Variants in LMBR1 observed in about 807,000 individuals in gnomAD.
LMBR1 encodes limb region 1 protein homolog.
LMBR1 carries 52 observed loss-of-function variants against 73.9 expected under a neutral mutation model. That is an observed-to-expected ratio of 0.70 (90% CI 0.56 to 0.89). The LOEUF (loss-of-function observed/expected upper bound fraction) is 0.89. Among genes scored for constraint, LMBR1 ranks in the 40% least tolerant of loss-of-function variants. The probability of loss-of-function intolerance (pLI) is 0.00; values close to 1 mark genes in which losing one functional copy is unlikely to be tolerated. For synonymous variants in LMBR1, 215 were observed against 209.4 expected, an observed-to-expected ratio of 1.03 and a Z score of -0.23; for missense variants, 539 against 579.8, an observed-to-expected ratio of 0.93 and a Z score of 0.72.
At chr7:156,719,429 C>T (rs9692343) in intron 15 of LMBR1, among the ~76,000 whole-genome samples, 6,045 of 151,892 alleles carry the variant, frequency 0.04, 156 homozygotes, top group Non-Finnish European at 0.045. Flanking sequence ...GTGAATAGTG[C>T]CGCAATAAAC....
At chr7:156,675,537 T>C (rs1803696446), downstream of LMBR1, among the ~76,000 whole-genome samples, 1 of 152,220 alleles carries the variant, frequency 6.6e-6, no homozygotes, top group South Asian at 2.1e-4. Context: ...TCTGGATTTA[T>C]AGTTAAGTAA....
At chr7:156,760,334 T>C (rs184719516) in intron 8 of LMBR1, among the ~76,000 whole-genome samples, 2 of 152,204 alleles carry the variant, frequency 1.3e-5, no homozygotes, top group African/African-American at 4.8e-5. Flanking sequence ...TCGTTTTATA[T>C]ACGTTGAGTT....
chr7:156,779,528 A>T, intron 5 of LMBR1: 1 of 255,638 alleles, frequency 3.9e-6, no homozygotes, highest in Non-Finnish European at 7.8e-6. Context: ...TTTTAGATTT[A>T]AATGGGAACT....
At chr7:156,721,336 T>A (rs1166988715) in intron 15 of LMBR1, among the ~76,000 whole-genome samples, 1 of 146,508 alleles carries the variant, frequency 6.8e-6, no homozygotes, top group African/African-American at 2.4e-5. Context: ...AACGTCTTAA[T>A]TGTTTCATGA....
At chr7:156,779,580 G>T in intron 5 of LMBR1, 3 of 678,654 alleles carry the variant, frequency 4.4e-6, no homozygotes, top group Non-Finnish European at 6.5e-6. Flanking sequence ...TGATATAATT[G>T]CTTCTTGGAA....
chr7:156,729,418 G>GATATATATATAT (rs10676443), intron 10 of LMBR1, among the ~76,000 whole-genome samples: 31 of 146,970 alleles, frequency 2.1e-4, no homozygotes, highest in African/African-American at 7.0e-4. Flanking sequence ...TCTACATATT[G>GATATATATATAT]ATATATATAT....
At chr7:156,768,551 G>A (rs1345716387) in intron 5 of LMBR1, among the ~76,000 whole-genome samples, 1 of 152,168 alleles carries the variant, frequency 6.6e-6, no homozygotes, top group Non-Finnish European at 1.5e-5. Context: ...CCAAAGGTCA[G>A]AGAGCCCAGC....
At chr7:156,815,156 C>CAAAAAAAAAAAAAAAAAAAAAA (rs10674367) in intron 4 of LMBR1, among the ~76,000 whole-genome samples, 1 of 84,330 alleles carries the variant, frequency 1.2e-5, no homozygotes, top group African/African-American at 4.8e-5. Context: ...AACTCCGTCT[C>CAAAAAAAAAAAAAAAAAAAAAA]AAAAAAAAAA....
At chr7:156,697,886 T>C (rs1808673329) in intron 15 of LMBR1, among the ~76,000 whole-genome samples, 1 of 152,222 alleles carries the variant, frequency 6.6e-6, no homozygotes, top group African/African-American at 2.4e-5. Context: ...AAGACAGGCA[T>C]AAAAAATTAT....
rs182736380 is a variant in LMBR1 at position 156,683,162 on chromosome 7, G to A, written c.*916C>T. The A allele has an allele frequency of 1.3e-5, 2 of 152,178 alleles. No individual in the cohort carries two copies. Among genetic ancestry groups the A allele is most frequent in the Non-Finnish European group, 2.9e-5 (2 of 68,030 alleles). The allele number at this position is 152,178 out of a possible 1,614,324, so 9.4% of individuals were successfully genotyped here. On this transcript the variant is annotated 3_prime_UTR_variant, in exon 17 of 17. Coordinates refer to ENST00000353442, the MANE Select transcript of LMBR1 (RefSeq NM_022458.4). ...AAAGCCTGAGGACTATGAAGAAAGA[G>A]GAGTTTCTACCACTCGGCATTTATA...
intron 3 of LMBR1, among the ~76,000 whole-genome samples, chr7:156,828,222 C>G (rs1292079715): frequency 2.6e-5 from 4 of 152,156 alleles, no homozygotes; most frequent in African/African-American, 9.7e-5. Flanking sequence ...CTTACCTAAC[C>G]CCCTCATAGC....
At chr7:156,797,184 G>A (rs913787048) in intron 4 of LMBR1, among the ~76,000 whole-genome samples, 2 of 152,162 alleles carry the variant, frequency 1.3e-5, no homozygotes, top group Non-Finnish European at 2.9e-5. Context: ...CACAGAGACT[G>A]GCAATCTTAA....
chr7:156,814,525 A>C (rs564929516), intron 4 of LMBR1, among the ~76,000 whole-genome samples: 63 of 152,358 alleles, frequency 4.1e-4, no homozygotes, highest in Non-Finnish European at 7.9e-4. Flanking sequence ...GTTTTTAAAA[A>C]TCTAATTTCA....
At chr7:156,888,123 CAT>C (rs927314941) in intron 1 of LMBR1, among the ~76,000 whole-genome samples, 39 of 152,108 alleles carry the variant, frequency 2.6e-4, no homozygotes, top group African/African-American at 9.2e-4. Context: ...AAAAATTAAA[CAT>C]AGAGGCCGGG....
At chr7:156,857,250 T>A (rs535450128) in intron 1 of LMBR1, among the ~76,000 whole-genome samples, 1 of 152,290 alleles carries the variant, frequency 6.6e-6, no homozygotes, top group South Asian at 2.1e-4. Flanking sequence ...ATGTTGTCTA[T>A]AAAAAAGTAT....
chr7:156,751,724 G>A (rs537520629), intron 9 of LMBR1, among the ~76,000 whole-genome samples: 100 of 152,314 alleles, frequency 6.6e-4, no homozygotes, highest in Non-Finnish European at 1.3e-3. Context: ...GGAATTAAGA[G>A]AAAGAGACTC....
At chr7:156,836,711 T>C (rs572724918) in intron 2 of LMBR1, 102 bp downstream of exon 2, 11 of 689,348 alleles carry the variant, frequency 1.6e-5, no homozygotes, top group Non-Finnish European at 2.5e-5. Context: ...CACCGGCATA[T>C]TCAATACACT....
chr7:156,744,265 G>C (rs1403069833), intron 9 of LMBR1, among the ~76,000 whole-genome samples: 4 of 151,856 alleles, frequency 2.6e-5, no homozygotes, highest in Admixed American at 2.6e-4. Context: ...GCAACCAGTA[G>C]CAGGTTGCAA....
intron 15 of LMBR1, among the ~76,000 whole-genome samples, chr7:156,707,312 G>A (rs551384767): frequency 1.6e-4 from 24 of 152,254 alleles, no homozygotes; most frequent in African/African-American, 5.8e-4. Context: ...AATGTACAAA[G>A]AAGAACTAAT....
Sources: allele counts gnomAD v4.1 joint callset (sites outside exome capture counted in the v4.1 genomes callset), GRCh38; gene constraint gnomAD v4.1.1; transcripts MANE v1.5; gene names NCBI Gene and HGNC (gene_info 2026-07-23, HGNC 2026-07-21).